KALRN: variants seen among roughly 807,000 people sequenced by gnomAD.
KALRN encodes kalirin RhoGEF kinase.
In KALRN, 70 loss-of-function variants were observed where a neutral mutation model predicts 353.7. The observed-to-expected ratio is 0.20, with a 90% CI of 0.16 to 0.24. The LOEUF is 0.24. Ranked by LOEUF, KALRN falls within the 10% of genes least tolerant of loss-of-function variation. KALRN has a pLI of 1.00. For missense variants in KALRN, 2,791 were observed against 3,756.7 expected (o/e 0.74, Z 6.72); for synonymous variants, 1,391 against 1,434.8 (o/e 0.97, Z 0.69).
intron 7 of KALRN, among the ~76,000 whole-genome samples, chr3:124,329,614 C>T (rs1318295055): frequency 6.6e-6 from 1 of 152,176 alleles, no homozygotes; most frequent in African/African-American, 2.4e-5. Flanking sequence ...GATGATTCAC[C>T]TGCCACCTAC....
intron 1 of KALRN, among the ~76,000 whole-genome samples, chr3:124,147,576 A>G (rs1264517972): frequency 1.3e-5 from 2 of 152,196 alleles, no homozygotes; most frequent in Admixed American, 6.5e-5. Flanking sequence ...TTGCAAAGAA[A>G]CATACATGGA....
intron 44 of KALRN, among the ~76,000 whole-genome samples, chr3:124,661,425 T>C (rs570409097): frequency 6.6e-6 from 1 of 152,350 alleles, no homozygotes; most frequent in South Asian, 2.1e-4. Flanking sequence ...CACTATGGGA[T>C]TATTTTAAGC....
At chr3:124,609,251 T>C (rs2077674842) in intron 34 of KALRN, among the ~76,000 whole-genome samples, 1 of 152,204 alleles carries the variant, frequency 6.6e-6, no homozygotes. Context: ...ATCCTGACTT[T>C]TTAAACTAAG....
chr3:124,271,867 G>A (rs959722201), intron 5 of KALRN, among the ~76,000 whole-genome samples: 5 of 152,202 alleles, frequency 3.3e-5, no homozygotes, highest in Non-Finnish European at 7.3e-5. Context: ...AATAACATTT[G>A]TAAATGTACA....
intron 13 of KALRN, 104 bp downstream of exon 13, chr3:124,398,975 C>A: frequency 8.3e-7 from 1 of 1,208,332 alleles, no homozygotes; most frequent in Non-Finnish European, 1.1e-6. Flanking sequence ...ATTAGAGCAT[C>A]CAGCATGCAT....
chr3:124,603,643 T>C (rs1019670712), intron 34 of KALRN, among the ~76,000 whole-genome samples: 2 of 152,160 alleles, frequency 1.3e-5, no homozygotes, highest in Non-Finnish European at 2.9e-5. Flanking sequence ...ATTTTTGAAA[T>C]GGAGCATCTC....
chr3:124,089,703 G>T (rs905762334), intron 1 of KALRN, among the ~76,000 whole-genome samples: 1 of 151,960 alleles, frequency 6.6e-6, no homozygotes, highest in Non-Finnish European at 1.5e-5. Flanking sequence ...CAGCCAACCA[G>T]GTGTTCATGC....
intron 10 of KALRN, among the ~76,000 whole-genome samples, chr3:124,376,632 T>A (rs2086628061): frequency 6.6e-6 from 1 of 152,216 alleles, no homozygotes; most frequent in Non-Finnish European, 1.5e-5. Context: ...TTTAAACCTA[T>A]TATGTGCTCA....
intron 34 of KALRN, among the ~76,000 whole-genome samples, chr3:124,566,086 G>A (rs2072775450): frequency 6.6e-6 from 1 of 152,144 alleles, no homozygotes; most frequent in Non-Finnish European, 1.5e-5. Context: ...TTCCAGGTTG[G>A]TTCCTGTTTC....
intron 3 of KALRN, among the ~76,000 whole-genome samples, chr3:124,240,592 T>G (rs917168242): frequency 5.3e-5 from 8 of 152,138 alleles, no homozygotes; most frequent in Admixed American, 1.3e-4. Flanking sequence ...ATTGGTACCT[T>G]GACCCCACTC....
intron 27 of KALRN, among the ~76,000 whole-genome samples, chr3:124,482,323 A>G (rs969797785): frequency 2.0e-5 from 3 of 152,182 alleles, no homozygotes; most frequent in Non-Finnish European, 2.9e-5. Flanking sequence ...GGTATTAATA[A>G]AGGAGATATA....
intron 1 of KALRN, among the ~76,000 whole-genome samples, chr3:124,112,276 C>T (rs948354134): frequency 5.0e-5 from 7 of 140,958 alleles, no homozygotes; most frequent in Non-Finnish European, 1.1e-4. Flanking sequence ...GCACTCTAGC[C>T]TGGGCTACAG....
chr3:124,060,671 G>C (rs1022275454), intron 1 of KALRN, among the ~76,000 whole-genome samples: 1 of 152,242 alleles, frequency 6.6e-6, no homozygotes, highest in South Asian at 2.1e-4. Context: ...CAACCTCCAA[G>C]GATATTGCAA....
At position 124,520,197 on chromosome 3, in the gene KALRN, G is replaced by C. The variant is rs527424554; in HGVS notation, c.4935+23784G>C. ...CCCCCAGGAGGGAATGAGGGAGCAG[G>C]GTAGAAGGGAGAGAAAAGCAGCCAA... On this transcript the variant is annotated intron_variant, in intron 33 of 59. Transcript: ENST00000682506. Among the ~76,000 whole-genome samples, 4 of 152,114 alleles carry C rather than the reference G, an allele frequency of 2.6e-5. No homozygotes were observed. The South Asian group carries it at 8.3e-4, about 32-fold the overall frequency.
At chr3:124,072,609 G>A (rs2149274203) in intron 1 of KALRN, among the ~76,000 whole-genome samples, 1 of 152,252 alleles carries the variant, frequency 6.6e-6, no homozygotes, top group East Asian at 1.9e-4. Flanking sequence ...GCCTCTGAGG[G>A]TTAAATTGGG....
chr3:124,150,770 G>A (rs913924074), intron 1 of KALRN, among the ~76,000 whole-genome samples: 5 of 152,114 alleles, frequency 3.3e-5, no homozygotes, highest in African/African-American at 9.7e-5. Context: ...ACAGCTCCAC[G>A]GATTTTTACC....
At chr3:124,666,733 G>A (rs1223084210) in intron 46 of KALRN, 99 bp downstream of exon 46, 20 of 967,964 alleles carry the variant, frequency 2.1e-5, no homozygotes, top group Admixed American at 6.5e-5. Context: ...ATCCAGAACC[G>A]TGAAGATCTT....
At chr3:124,217,546 C>T (rs567866562) in intron 1 of KALRN, among the ~76,000 whole-genome samples, 42 of 152,098 alleles carry the variant, frequency 2.8e-4, no homozygotes, top group Non-Finnish European at 5.4e-4. Flanking sequence ...CCAAAAAAAC[C>T]TCTCTTCTGT....
intron 16 of KALRN, among the ~76,000 whole-genome samples, chr3:124,433,288 A>G (rs913216005): frequency 3.7e-4 from 56 of 151,872 alleles, no homozygotes; most frequent in Non-Finnish European, 5.0e-4. Flanking sequence ...AATAAAAAGG[A>G]TTAAAAAAAA....
Sources: gnomAD v4.1 joint callset for allele counts (sites outside exome capture counted in the v4.1 genomes callset) on GRCh38, gnomAD v4.1.1 for gene constraint, MANE v1.5 for transcripts, NCBI Gene and HGNC (gene_info 2026-07-23, HGNC 2026-07-21) for gene names.